The following STS variants were observed in gnomAD, a reference collection of about 807,000 sequenced individuals.
STS encodes the protein steryl-sulfatase.
A neutral mutation model predicts 26.8 loss-of-function variants in STS; 7 were observed. The ratio of observed to expected loss-of-function variants is 0.26; its 90% CI spans 0.15 to 0.49. STS has a LOEUF of 0.49. STS is among the 20% of genes least tolerant of loss of function. The probability of loss-of-function intolerance (pLI) is 0.98; values close to 1 mark genes in which losing one functional copy is unlikely to be tolerated. For synonymous variants in STS, 199 were observed against 189.4 expected, an observed-to-expected ratio of 1.05 and a Z score of -0.42; for missense variants, 434 against 465.6, an observed-to-expected ratio of 0.93 and a Z score of 0.63.
intron 9 of STS, among the ~76,000 whole-genome samples, chrX:7,331,243 T>G (rs1473364602): frequency 9.0e-6 from 1 of 111,499 alleles, no homozygotes; most frequent in Non-Finnish European, 1.9e-5. Flanking sequence ...ATGCCCTTTT[T>G]AATTATGTAA....
intron 8 of STS, among the ~76,000 whole-genome samples, chrX:7,323,319 C>A (rs772992890): frequency 9.1e-6 from 1 of 109,900 alleles, no homozygotes; most frequent in Non-Finnish European, 1.9e-5. Flanking sequence ...TTCTAATGAT[C>A]CTGTCATCCA....
At chrX:7,307,219 C>G (rs1040687755) in intron 8 of STS, among the ~76,000 whole-genome samples, 7 of 111,318 alleles carry the variant, frequency 6.3e-5, no homozygotes, top group African/African-American at 9.8e-5. Flanking sequence ...ATTAATGAAC[C>G]GGTGTGTTTA....
intron 9 of STS, among the ~76,000 whole-genome samples, chrX:7,329,913 G>A (rs189014530): frequency 8.9e-6 from 1 of 111,856 alleles, no homozygotes; most frequent in East Asian, 2.8e-4. Context: ...TGTTGTTGTT[G>A]TTGTTCTGTT....
intron 2 of STS, among the ~76,000 whole-genome samples, chrX:7,205,278 G>C (rs114209603): frequency 1.8e-5 from 2 of 112,221 alleles, no homozygotes; most frequent in African/African-American, 3.2e-5. Context: ...GAGAAAGAAT[G>C]GGAATGTAAT....
At chrX:7,187,263 T>G (rs1337506107) in intron 1 of STS, among the ~76,000 whole-genome samples, 2 of 112,373 alleles carry the variant, frequency 1.8e-5, no homozygotes, top group Non-Finnish European at 3.8e-5. Flanking sequence ...GGATTACCAT[T>G]TACCCTTGTA....
At chrX:7,205,484 G>C (rs1479236554) in intron 2 of STS, among the ~76,000 whole-genome samples, 3 of 111,693 alleles carry the variant, frequency 2.7e-5, no homozygotes, top group Admixed American at 9.5e-5. Flanking sequence ...GGAGCAAATA[G>C]TGGGCACTCA....
intron 1 of STS, among the ~76,000 whole-genome samples, chrX:7,151,943 C>T (rs1357674422): frequency 9.0e-6 from 1 of 111,267 alleles, no homozygotes; most frequent in South Asian, 3.9e-4. Context: ...TTATTATTAT[C>T]GTTATTTTAT....
chrX:7,209,482 A>G (rs1920978509), intron 2 of STS, among the ~76,000 whole-genome samples: 1 of 105,615 alleles, frequency 9.5e-6, no homozygotes, highest in Non-Finnish European at 1.9e-5. Flanking sequence ...AAATATTAAT[A>G]TATTTAGTTA....
intron 2 of STS, among the ~76,000 whole-genome samples, chrX:7,238,121 G>GGTGT (rs55819541): frequency 0.066 from 5,801 of 88,409 alleles, 185 homozygotes; most frequent in East Asian, 0.14. Flanking sequence ...AGTATTCCAT[G>GGTGT]GTGTGTGTGT....
rs1555956205 is a variant in STS, at chrX:7,257,222, C to T, written c.138-20C>T. The T allele has an allele frequency of 1.7e-6, 2 of 1,208,397 alleles. No individual in the cohort carries two copies. The highest frequency in any genetic ancestry group is 4.3e-5 in the Admixed American group (2 of 46,101). Reference sequence around the variant, plus strand: ...CAATAAATGAAAATGATCACAAATGCTATGATTCTTTTGTTCTAGGACTCC... The same window carrying T: ...CAATAAATGAAAATGATCACAAATGTTATGATTCTTTTGTTCTAGGACTCC... On this transcript the variant is annotated intron_variant, in intron 3 of 10. Coordinates refer to ENST00000674429, the MANE Select transcript of STS (RefSeq NM_001320752.2).
At chrX:7,266,814 A>G (rs1924029959) in intron 6 of STS, among the ~76,000 whole-genome samples, 2 of 112,302 alleles carry the variant, frequency 1.8e-5, no homozygotes, top group Non-Finnish European at 3.8e-5. Flanking sequence ...TTAGGTGCAC[A>G]GCAGAAATGG....
intron 1 of STS, among the ~76,000 whole-genome samples, chrX:7,178,460 G>A (rs1366143739): frequency 9.0e-6 from 1 of 111,578 alleles, no homozygotes; most frequent in African/African-American, 3.3e-5. Flanking sequence ...CTGCCGCATC[G>A]TGGGCAGCAG....
intron 9 of STS, among the ~76,000 whole-genome samples, chrX:7,328,987 C>T (rs1395667273): frequency 8.9e-6 from 1 of 111,803 alleles, no homozygotes; most frequent in Non-Finnish European, 1.9e-5. Context: ...TGAGCCACGA[C>T]GCCCGGCCAG....
chrX:7,293,202 T>C (rs1925501072), intron 7 of STS, among the ~76,000 whole-genome samples: 1 of 112,032 alleles, frequency 8.9e-6, no homozygotes, highest in South Asian at 3.7e-4. Context: ...TCCTGGAGTG[T>C]GATAGTTGAA....
intron 2 of STS, among the ~76,000 whole-genome samples, chrX:7,226,587 A>G (rs1921815154): frequency 8.9e-6 from 1 of 111,825 alleles, no homozygotes; most frequent in South Asian, 3.7e-4. Context: ...TTACACTTCA[A>G]CAAGTGATAT....
chrX:7,347,873 A>G (rs1283084299), intron 10 of STS, among the ~76,000 whole-genome samples: 2 of 111,592 alleles, frequency 1.8e-5, no homozygotes, highest in Non-Finnish European at 3.8e-5. Context: ...GAAATTTCTC[A>G]TACCCTGGAA....
chrX:7,288,136 C>T (rs1269481608), intron 7 of STS, among the ~76,000 whole-genome samples: 3 of 91,786 alleles, frequency 3.3e-5, no homozygotes, highest in African/African-American at 1.3e-4. Context: ...ACTTATTGTA[C>T]ACTGCAAATA....
intron 10 of STS, among the ~76,000 whole-genome samples, chrX:7,340,246 C>G (rs1178413897): frequency 1.8e-5 from 2 of 111,014 alleles, no homozygotes; most frequent in Non-Finnish European, 3.8e-5. Context: ...TTTTCCCTGA[C>G]TTCAACACGG....
At chrX:7,206,847 G>A (rs970667347) in intron 2 of STS, among the ~76,000 whole-genome samples, 1 of 112,128 alleles carries the variant, frequency 8.9e-6, no homozygotes, top group African/African-American at 3.2e-5. Context: ...ACTTAGTTTT[G>A]GTTTGGCAGA....
Sources: gnomAD v4.1 joint callset for allele counts (sites outside exome capture counted in the v4.1 genomes callset) on GRCh38, gnomAD v4.1.1 for gene constraint, MANE v1.5 for transcripts, NCBI Gene and HGNC (gene_info 2026-07-23, HGNC 2026-07-21) for gene names.